The following CSMD1 variants were observed in gnomAD, a reference collection of about 807,000 sequenced individuals.
The protein encoded by CSMD1 is CUB and Sushi multiple domains 1, also known as CUB and sushi domain-containing protein 1.
CSMD1 carries 213 observed loss-of-function variants against 417.5 expected under a neutral mutation model. That is an observed-to-expected ratio of 0.51 (90% CI 0.46 to 0.57). The LOEUF (loss-of-function observed/expected upper bound fraction) is 0.57, where lower values mean the gene tolerates loss of function less well. Among genes scored for constraint, CSMD1 ranks in the 20% least tolerant of loss-of-function variants. CSMD1 has a pLI of 0.00. For synonymous variants in CSMD1, 2,862 were observed against 1,736.8 expected (o/e 1.65, Z -16.11); for missense variants, 6,923 against 4,529.7 (o/e 1.53, Z -15.17).
At chr8:3,295,347 C>T (rs751264112) in intron 25 of CSMD1, among the ~76,000 whole-genome samples, 7 of 151,876 alleles carry the variant, frequency 4.6e-5, no homozygotes, top group African/African-American at 7.3e-5. Context: ...AGGAAGGTCT[C>T]GATCTCCTGA....
At position 4,810,620 on chromosome 8, in the gene CSMD1, G is replaced by T. The variant is rs142782132; in HGVS notation, c.86-173062C>A. ...TTGCTACTTTCCCTTAGGGGTTCCA[G>T]GAAAATATGCAGATAATATGATTTT... On this transcript the variant is annotated intron_variant, in intron 1 of 69. Transcript: ENST00000635120. 5.8e-3 allele frequency among the ~76,000 whole-genome samples: 876 copies of T among 152,186 alleles called. 7 individuals carry two copies. The highest frequency in any genetic ancestry group is 0.019 in the African/African-American group (798 of 41,506).
chr8:3,655,914 G>C (rs1453008493), intron 7 of CSMD1, among the ~76,000 whole-genome samples: 2 of 152,138 alleles, frequency 1.3e-5, no homozygotes, highest in African/African-American at 4.8e-5. Flanking sequence ...TGTGATGCCA[G>C]GAATGAAGAG....
At chr8:3,620,035 G>A (rs1426975446) in intron 7 of CSMD1, among the ~76,000 whole-genome samples, 1 of 152,160 alleles carries the variant, frequency 6.6e-6, no homozygotes, top group African/African-American at 2.4e-5. Flanking sequence ...CTGGGAGGCA[G>A]ATGTTGCAGT....
At chr8:3,178,092 C>A (rs1013412009) in intron 37 of CSMD1, among the ~76,000 whole-genome samples, 1 of 152,138 alleles carries the variant, frequency 6.6e-6, no homozygotes, top group African/African-American at 2.4e-5. Context: ...AGGTCATATA[C>A]ATTAAACCAG....
chr8:4,094,316 G>A (rs540750299), intron 3 of CSMD1, among the ~76,000 whole-genome samples: 1 of 152,238 alleles, frequency 6.6e-6, no homozygotes, highest in African/African-American at 2.4e-5. Context: ...GCAGGCGACT[G>A]TAGGAACCCA....
chr8:4,398,195 G>C (rs1334033442), intron 3 of CSMD1, among the ~76,000 whole-genome samples: 5 of 152,146 alleles, frequency 3.3e-5, no homozygotes, highest in South Asian at 2.1e-4. Flanking sequence ...AAGTAGCTGA[G>C]AATGTAGAAG....
rs541017683 is a variant in CSMD1, at chr8:3,952,605, A to G, written c.818+45298T>C. 2.6e-5 allele frequency among the ~76,000 whole-genome samples: 4 copies of G among 152,318 alleles called. No homozygotes were observed. The East Asian group carries it at 7.7e-4, about 29-fold the overall frequency. Reference sequence around the variant, plus strand: ...AGTCACCAAGAGACAGGGAGAGAGGAGAATGGAAGAAATTCCTTAATGGGT... The same window carrying G: ...AGTCACCAAGAGACAGGGAGAGAGGGGAATGGAAGAAATTCCTTAATGGGT... On this transcript the variant is annotated intron_variant, in intron 5 of 69. Transcript: ENST00000635120.
At chr8:4,898,001 T>C (rs1296880450) in intron 1 of CSMD1, among the ~76,000 whole-genome samples, 2 of 152,162 alleles carry the variant, frequency 1.3e-5, no homozygotes, top group African/African-American at 4.8e-5. Flanking sequence ...TTTAGCTCTG[T>C]ACTGGAAAAA....
intron 49 of CSMD1, among the ~76,000 whole-genome samples, chr8:3,077,114 T>C (rs1283262747): frequency 6.6e-6 from 1 of 152,130 alleles, no homozygotes; most frequent in Non-Finnish European, 1.5e-5. Flanking sequence ...CTGGTATGTA[T>C]TTGAAAGCAG....
At chr8:3,840,826 G>A (rs1361580187) in intron 5 of CSMD1, among the ~76,000 whole-genome samples, 2 of 151,502 alleles carry the variant, frequency 1.3e-5, no homozygotes, top group Non-Finnish European at 1.5e-5. Flanking sequence ...CTTCCAAGTA[G>A]CTGGGCGCCT....
At chr8:4,349,818 AC>A (rs1384486259) in intron 3 of CSMD1, among the ~76,000 whole-genome samples, 16 of 133,430 alleles carry the variant, frequency 1.2e-4, no homozygotes, top group African/African-American at 5.3e-4. Context: ...ATATGATATG[AC>A]CTTTTTTTTT....
rs933420561 is a variant in CSMD1 at position 3,156,885 on chromosome 8, G to A, written c.5914+1012C>T. Among the ~76,000 whole-genome samples, 3 of 151,338 alleles carry A rather than the reference G, an allele frequency of 2.0e-5. No homozygotes were observed. The East Asian group carries it at 5.8e-4, about 29-fold the overall frequency. On this transcript the variant is annotated intron_variant, in intron 39 of 69. Transcript: ENST00000635120. ...GGGCATTGGAGCTAAGAATCACAGG[G>A]GAGGATACGCTCAGGTGGAAGGGGT...
chr8:4,280,071 C>T (rs956928524), intron 3 of CSMD1, among the ~76,000 whole-genome samples: 1 of 152,220 alleles, frequency 6.6e-6, no homozygotes, highest in Non-Finnish European at 1.5e-5. Context: ...CGTTAACTAA[C>T]GCGTTGAAAA....
chr8:3,940,533 G>GTGTGTA (rs1468450498), intron 5 of CSMD1, among the ~76,000 whole-genome samples: 33 of 140,194 alleles, frequency 2.4e-4, no homozygotes, highest in African/African-American at 8.8e-4. Flanking sequence ...GTGTGTGTGT[G>GTGTGTA]TGTATGTATG....
At chr8:4,736,802 C>T (rs1810275698) in intron 1 of CSMD1, among the ~76,000 whole-genome samples, 1 of 152,152 alleles carries the variant, frequency 6.6e-6, no homozygotes, top group African/African-American at 2.4e-5. Flanking sequence ...TAAACAAGTG[C>T]CTTCACTTCC....
chr8:4,648,689 A>C (rs957429178), intron 1 of CSMD1, among the ~76,000 whole-genome samples: 1 of 152,162 alleles, frequency 6.6e-6, no homozygotes. Context: ...TGGATTTTTA[A>C]CATTTACAGT....
At chr8:4,569,236 G>T (rs1336002073) in intron 2 of CSMD1, among the ~76,000 whole-genome samples, 1 of 152,130 alleles carries the variant, frequency 6.6e-6, no homozygotes, top group African/African-American at 2.4e-5. Context: ...TGTCCTGAAT[G>T]GTATTGCCTA....
chr8:4,462,973 A>C (rs567547425), intron 2 of CSMD1, among the ~76,000 whole-genome samples: 1 of 152,340 alleles, frequency 6.6e-6, no homozygotes, highest in East Asian at 1.9e-4. Context: ...CAAAATTTTA[A>C]ACTTTGTATT....
intron 1 of CSMD1, among the ~76,000 whole-genome samples, chr8:4,966,644 G>A (rs1214093764): frequency 6.6e-6 from 1 of 152,126 alleles, no homozygotes; most frequent in African/African-American, 2.4e-5. Flanking sequence ...AACACAGAAG[G>A]ATGGTGATGA....
Sources: allele counts gnomAD v4.1 joint callset (sites outside exome capture counted in the v4.1 genomes callset), GRCh38; gene constraint gnomAD v4.1.1; transcripts MANE v1.5; gene names NCBI Gene and HGNC (gene_info 2026-07-23, HGNC 2026-07-21).